Variants in CSMD3 observed in about 807,000 individuals in gnomAD.
The protein encoded by CSMD3 is CUB and Sushi multiple domains 3.
A neutral mutation model predicts 435.2 loss-of-function variants in CSMD3; 177 were observed. The observed-to-expected ratio is 0.41, with a 90% CI of 0.36 to 0.46. CSMD3 has a LOEUF of 0.46. Ranked by LOEUF, CSMD3 falls within the 20% of genes least tolerant of loss-of-function variation. The pLI, the probability that CSMD3 is intolerant of heterozygous loss-of-function variation, is 0.34. For synonymous variants in CSMD3, 1,656 were observed against 1,520.5 expected, an observed-to-expected ratio of 1.09 and a Z score of -2.07; for missense variants, 4,265 against 4,504.6, an observed-to-expected ratio of 0.95 and a Z score of 1.52.
intron 42 of CSMD3, among the ~76,000 whole-genome samples, chr8:112,338,487 A>G (rs1007678182): frequency 1.3e-5 from 2 of 152,158 alleles, no homozygotes; most frequent in Non-Finnish European, 2.9e-5. Flanking sequence ...ATAAAATATC[A>G]ATATTTGGAA....
intron 5 of CSMD3, among the ~76,000 whole-genome samples, chr8:113,093,841 T>C (rs1455367057): frequency 1.3e-5 from 2 of 152,172 alleles, no homozygotes; most frequent in East Asian, 3.9e-4. Context: ...GCATTCTTAA[T>C]TTGAATAACA....
In CSMD3 at chr8:112,291,811, G is replaced by T; in HGVS notation, c.8789-116C>A. ...AAAAGTAAATTTATTCAAACAACCA[G>T]ATTCCAATAATAAAATTAATCCCAT... On this transcript the variant is annotated intron_variant, in intron 55 of 70. Coordinates refer to ENST00000297405, the MANE Select transcript of CSMD3 (RefSeq NM_198123.2). The T allele has an allele frequency of 7.3e-6, 5 of 680,584 alleles. No individual in the cohort carries two copies. In the South Asian group the frequency reaches 9.6e-5, roughly 13 times the overall value. 42.2% of individuals were successfully genotyped at this position (680,584 alleles called of 1,614,324 possible).
intron 56 of CSMD3, 138 bp from the exon 57 acceptor site, chr8:112,289,676 T>C: frequency 1.7e-6 from 1 of 599,428 alleles, no homozygotes; most frequent in South Asian, 2.5e-5. Flanking sequence ...ACATCTATGT[T>C]GAAGGTGTCT....
chr8:113,249,657 G>A (rs959059343), intron 3 of CSMD3, among the ~76,000 whole-genome samples: 8 of 151,952 alleles, frequency 5.3e-5, no homozygotes, highest in African/African-American at 1.5e-4. Context: ...TTGTTGGACA[G>A]AGCATAAAAA....
intron 1 of CSMD3, among the ~76,000 whole-genome samples, chr8:113,373,434 T>A (rs946198785): frequency 7.2e-5 from 11 of 152,222 alleles, no homozygotes; most frequent in African/African-American, 2.4e-4. Context: ...GCTCACAATA[T>A]TTTTCCATTT....
rs534514306 is a variant in CSMD3, at chr8:112,646,943, C to A, written c.3194-1718G>T. Among the ~76,000 whole-genome samples the A allele has an allele frequency of 2.6e-5, 4 of 152,158 alleles. No individual in the cohort carries two copies. In the South Asian group the frequency reaches 8.3e-4, roughly 32 times the overall value. ...TACTAATTCTTATCAGAAACAAGAG[C>A]AAACTGTTTTGAACTTAAAACGTAG... On this transcript the variant is annotated intron_variant, in intron 19 of 70. Transcript: ENST00000297405.
chr8:112,928,552 C>T (rs1587692865), intron 9 of CSMD3, among the ~76,000 whole-genome samples: 1 of 151,604 alleles, frequency 6.6e-6, no homozygotes, highest in Non-Finnish European at 1.5e-5. Context: ...GTTTTTTGTT[C>T]TTGCGATAGT....
At chr8:112,300,335 A>G (rs1820796325) in intron 53 of CSMD3, among the ~76,000 whole-genome samples, 1 of 150,018 alleles carries the variant, frequency 6.7e-6, no homozygotes. Flanking sequence ...GTTTACTTAA[A>G]AATGCATAAG....
At chr8:113,227,844 C>A (rs1470458674) in intron 3 of CSMD3, among the ~76,000 whole-genome samples, 1 of 151,550 alleles carries the variant, frequency 6.6e-6, no homozygotes, top group African/African-American at 2.4e-5. Context: ...TGCACCGATA[C>A]AATACACAGT....
chr8:113,040,272 G>A (rs1399648548), intron 5 of CSMD3, among the ~76,000 whole-genome samples: 5 of 152,186 alleles, frequency 3.3e-5, no homozygotes, highest in Non-Finnish European at 7.3e-5. Context: ...CTGTTGGAAA[G>A]ATAGCAATGG....
chr8:113,074,100 G>T (rs900879137), intron 5 of CSMD3, among the ~76,000 whole-genome samples: 1 of 151,526 alleles, frequency 6.6e-6, no homozygotes, highest in East Asian at 1.9e-4. Context: ...GACTCTTTAA[G>T]AAATTATTTG....
At chr8:112,430,894 A>ATGTGTGTGTG (rs998332829) in intron 32 of CSMD3, among the ~76,000 whole-genome samples, 2 of 102,066 alleles carry the variant, frequency 2.0e-5, no homozygotes, top group African/African-American at 7.6e-5. Flanking sequence ...GTTTGTGTGT[A>ATGTGTGTGTG]TATGTGTGTG....
intron 2 of CSMD3, among the ~76,000 whole-genome samples, chr8:113,300,173 A>AAC (rs1554602382): frequency 6.8e-6 from 1 of 146,300 alleles, no homozygotes; most frequent in Non-Finnish European, 1.5e-5. Flanking sequence ...AAAAAAAAAA[A>AAC]AAAAACAACA....
At chr8:113,091,755 T>C (rs1255394819) in intron 5 of CSMD3, among the ~76,000 whole-genome samples, 1 of 152,004 alleles carries the variant, frequency 6.6e-6, no homozygotes. Context: ...CTATCTTTTA[T>C]ATTGTTCTCT....
chr8:112,377,410 T>C (rs770808811), intron 38 of CSMD3, among the ~76,000 whole-genome samples: 1 of 152,106 alleles, frequency 6.6e-6, no homozygotes, highest in East Asian at 1.9e-4. Context: ...ACTGGTGAAT[T>C]CTACCTTACA....
At chr8:113,324,252 G>A (rs761771786) in intron 1 of CSMD3, among the ~76,000 whole-genome samples, 1 of 152,174 alleles carries the variant, frequency 6.6e-6, no homozygotes, top group Non-Finnish European at 1.5e-5. Context: ...TCAACATAGT[G>A]GGGAAAAGGT....
At chr8:113,430,380 T>A (rs1040142882) in intron 1 of CSMD3, among the ~76,000 whole-genome samples, 70 of 152,072 alleles carry the variant, frequency 4.6e-4, no homozygotes, top group Admixed American at 5.9e-4. Context: ...ATTTTTTTTT[T>A]TACAGATAAT....
intron 13 of CSMD3, among the ~76,000 whole-genome samples, chr8:112,750,873 C>CT (rs550778659): frequency 6.5e-4 from 99 of 151,952 alleles, no homozygotes; most frequent in Admixed American, 2.2e-3. Flanking sequence ...TATATGTGGC[C>CT]TTTTTTTCAA....
chr8:112,840,010 G>A (rs189630496), intron 11 of CSMD3, among the ~76,000 whole-genome samples: 1 of 151,640 alleles, frequency 6.6e-6, no homozygotes, highest in African/African-American at 2.4e-5. Context: ...TTTAAACAAG[G>A]TTATTGAGTA....
Sources: allele counts gnomAD v4.1 joint callset (sites outside exome capture counted in the v4.1 genomes callset), GRCh38; gene constraint gnomAD v4.1.1; transcripts MANE v1.5; gene names NCBI Gene and HGNC (gene_info 2026-07-23, HGNC 2026-07-21).